The following PCDHGA1 variants were observed in gnomAD, a reference collection of about 807,000 sequenced individuals.
PCDHGA1 encodes protocadherin gamma-A1.
In PCDHGA1, 32 loss-of-function variants were observed where a neutral mutation model predicts 58.0. The observed-to-expected ratio is 0.55, with a 90% CI of 0.42 to 0.74. The LOEUF is 0.74. Ranked by LOEUF, PCDHGA1 falls within the 30% of genes least tolerant of loss-of-function variation. The pLI is 0.00. For synonymous variants in PCDHGA1, 498 were observed against 501.1 expected, an observed-to-expected ratio of 0.99 and a Z score of 0.08; for missense variants, 1,205 against 1,182.3, an observed-to-expected ratio of 1.02 and a Z score of -0.28.
chr5:141,486,967 G>C lies in PCDHGA1; in HGVS notation c.2422-7840G>C. The C allele has an allele frequency of 6.2e-7, 1 of 1,614,202 alleles. No homozygotes were observed. Among genetic ancestry groups the C allele is most frequent in the Non-Finnish European group, 8.5e-7 (1 of 1,180,032 alleles). ...TCACAAAGGTGACTGCTGTGGACTT[G>C]GATTCAGGTTACAATGCTTGGGTTT... On this transcript the variant is annotated intron_variant, in intron 1 of 3. Transcript: ENST00000517417. The surrounding 1 kb of genome is among the most constrained non-coding windows in gnomAD (Gnocchi z 5.0).
At chr5:141,390,029 C>A in intron 1 of PCDHGA1, 1 of 1,614,086 alleles carries the variant, frequency 6.2e-7, no homozygotes, top group Non-Finnish European at 8.5e-7. Flanking sequence ...GCCTGCGACG[C>A]TCCTCCAGCC....
chr5:141,351,683 C>G (rs373123826), intron 1 of PCDHGA1: 1 of 1,614,002 alleles, frequency 6.2e-7, no homozygotes, highest in Non-Finnish European at 8.5e-7. Context: ...CGCCTCCGAC[C>G]CGGATTTGGG....
intron 1 of PCDHGA1, chr5:141,395,360 GT>G: frequency 1.5e-6 from 2 of 1,290,436 alleles, no homozygotes; most frequent in Non-Finnish European, 2.1e-6. Context: ...AGAGTTTTGG[GT>G]TTATTTTGGT....
intron 1 of PCDHGA1, chr5:141,383,523 C>A (rs1337208290): frequency 1.2e-6 from 2 of 1,612,324 alleles, no homozygotes; most frequent in African/African-American, 2.7e-5. Flanking sequence ...AGCGGGTTCA[C>A]CACCTGGTCC....
intron 1 of PCDHGA1, chr5:141,362,667 T>C (rs545396981): frequency 5.4e-6 from 7 of 1,294,756 alleles, no homozygotes; most frequent in South Asian, 3.1e-5. Flanking sequence ...GCCAATGTTG[T>C]GCCTTAATTG....
chr5:141,427,890 G>T lies in PCDHGA1; in HGVS notation c.2422-66917G>T, dbSNP rs1438515062. 1.9e-6 allele frequency: 3 copies of T among 1,566,844 alleles called. No homozygotes were observed. In the South Asian group the frequency reaches 3.3e-5, roughly 17 times the overall value. Reference sequence around the variant, plus strand: ...GCTCACGATGCAGGCCCACGACCAGGGCTCGCCCGCGCTCAGCGCCAACAT... The same window carrying T: ...GCTCACGATGCAGGCCCACGACCAGTGCTCGCCCGCGCTCAGCGCCAACAT... On this transcript the variant is annotated intron_variant, in intron 1 of 3. Transcript: ENST00000517417.
chr5:141,386,487 A>G (rs1374608231), intron 1 of PCDHGA1, among the ~76,000 whole-genome samples: 1 of 149,584 alleles, frequency 6.7e-6, no homozygotes, highest in African/African-American at 2.5e-5. Context: ...GCCCACCTAG[A>G]TAATATAACA....
chr5:141,397,379 T>C (rs1470838357), intron 1 of PCDHGA1, among the ~76,000 whole-genome samples: 1 of 152,206 alleles, frequency 6.6e-6, no homozygotes, highest in East Asian at 1.9e-4. Context: ...TGGGGATTGG[T>C]ATAAAATTGC....
intron 1 of PCDHGA1, chr5:141,419,413 C>A (rs568417008): frequency 6.2e-7 from 1 of 1,613,444 alleles, no homozygotes; most frequent in South Asian, 1.1e-5. Flanking sequence ...TCGCGCAGCG[C>A]GCCTTCGACC....
At position 141,476,978 on chromosome 5, in the gene PCDHGA1, C is replaced by T; in HGVS notation, c.2422-17829C>T. 2 of 1,614,256 alleles carry T rather than the reference C, an allele frequency of 1.2e-6. No homozygotes were observed. Among genetic ancestry groups the T allele is most frequent in the Non-Finnish European group, 1.7e-6 (2 of 1,180,058 alleles). ...TATTTACTCCTTCGGCAGCCACAAC[C>T]GCGCCGGCGTGCGGCAACTATTCGC... On this transcript the variant is annotated intron_variant, in intron 1 of 3. Coordinates refer to ENST00000517417, the MANE Select transcript of PCDHGA1 (RefSeq NM_018912.3). This position sits in a 1 kb window ranked among gnomAD's most constrained non-coding sequence, Gnocchi z 7.6.
In PCDHGA1 at chr5:141,433,051, G is replaced by A. The variant is rs754102028; in HGVS notation, c.2422-61756G>A. The A allele has an allele frequency of 1.8e-5, 29 of 1,614,066 alleles. No homozygotes were observed. In the East Asian group the frequency reaches 2.5e-4, roughly 14 times the overall value. On this transcript the variant is annotated intron_variant, in intron 1 of 3. Transcript: ENST00000517417. ...AGGTTTCCCTCACCACGGACTCGCG[G>A]AAGAGTCACCTGATCTTCCCCCAGC...
At position 141,476,973 on chromosome 5, in the gene PCDHGA1, A is replaced by C. The variant is rs1205314116; in HGVS notation, c.2422-17834A>C. Reference sequence around the variant, plus strand: ...GAAATTATTTACTCCTTCGGCAGCCACAACCGCGCCGGCGTGCGGCAACTA... The same window carrying C: ...GAAATTATTTACTCCTTCGGCAGCCCCAACCGCGCCGGCGTGCGGCAACTA... On this transcript the variant is annotated intron_variant, in intron 1 of 3. Coordinates refer to ENST00000517417, the MANE Select transcript of PCDHGA1 (RefSeq NM_018912.3). The surrounding 1 kb of genome is among the most constrained non-coding windows in gnomAD (Gnocchi z 7.6). 6.2e-7 allele frequency: 1 copy of C among 1,614,230 alleles called. No homozygotes were observed. The highest frequency in any genetic ancestry group is 2.2e-5 in the East Asian group (1 of 44,884).
At chr5:141,384,568 G>A (rs1780218340) in intron 1 of PCDHGA1, 1 of 1,614,118 alleles carries the variant, frequency 6.2e-7, no homozygotes, top group Non-Finnish European at 8.5e-7. Context: ...GGACCAGAAT[G>A]ACAACCCGCC....
In PCDHGA1 at chr5:141,332,488, G is replaced by C. The variant is rs778866913; in HGVS notation, c.1804G>C (p.Ala602Pro). 6.2e-7 allele frequency: 1 copy of C among 1,612,962 alleles called. No individual in the cohort carries two copies. Among genetic ancestry groups the C allele is most frequent in the African/African-American group, 1.3e-5 (1 of 74,872 alleles). ...GGTGGACAGAGACTCGGGCCAGAACGCCTGGCTGTCCTACCGCCTGCTCAA... is the reference window on the plus strand; with the variant it reads ...GGTGGACAGAGACTCGGGCCAGAACCCCTGGCTGTCCTACCGCCTGCTCAA... ...VAVDRDSGQN[A>P]WLSYRLLKAS... The change falls in exon 1 of 4, where the codon GCC becomes CCC. Residue 602 changes from alanine to proline, a missense_variant. Ala to Pro is a conservative substitution (Grantham distance 27, BLOSUM62 -1). Transcript: ENST00000517417. This position sits in a 1 kb window ranked among gnomAD's most constrained non-coding sequence, Gnocchi z 4.6.
At chr5:141,423,375 G>C in intron 1 of PCDHGA1, 1 of 1,614,192 alleles carries the variant, frequency 6.2e-7, no homozygotes, top group Non-Finnish European at 8.5e-7. Context: ...TGGCACTCAG[G>C]CTGTGGCGCT....
intron 1 of PCDHGA1, among the ~76,000 whole-genome samples, chr5:141,346,851 C>A (rs976506085): frequency 3.3e-5 from 5 of 152,082 alleles, no homozygotes; most frequent in Non-Finnish European, 7.4e-5. Context: ...ATTTTAAATC[C>A]CTGTGCTTTG....
chr5:141,344,844 G>T, intron 1 of PCDHGA1: 1 of 1,613,938 alleles, frequency 6.2e-7, no homozygotes, highest in East Asian at 2.2e-5. Context: ...TGACCCTGAC[G>T]AGGGATTCAA....
At chr5:141,376,704 G>T in intron 1 of PCDHGA1, 1 of 620,824 alleles carries the variant, frequency 1.6e-6, no homozygotes. Flanking sequence ...TTTTGAGACG[G>T]AGTCTCGCTC....
At chr5:141,423,885 A>G in intron 1 of PCDHGA1, 6 of 1,277,816 alleles carry the variant, frequency 4.7e-6, no homozygotes, top group Non-Finnish European at 5.9e-6. Flanking sequence ...ATCTTGGCAT[A>G]TTTTCTTTTG....
Sources: gnomAD v4.1 joint callset for allele counts (sites outside exome capture counted in the v4.1 genomes callset) on GRCh38, gnomAD v4.1.1 for gene constraint, Gnocchi (gnomAD v3.1) non-coding constraint, MANE v1.5 for transcripts, NCBI Gene and HGNC (gene_info 2026-07-23, HGNC 2026-07-21) for gene names.